XKR6: variants seen among roughly 807,000 people sequenced by gnomAD.
The protein encoded by XKR6 is XK related 6, also known as XK-related protein 6.
Under a neutral mutation model 56.7 loss-of-function variants are expected in XKR6, and 22 were observed. The observed-to-expected ratio is 0.39, with a 90% CI of 0.28 to 0.55. XKR6 has a LOEUF of 0.55. Ranked by LOEUF, XKR6 falls within the 20% of genes least tolerant of loss-of-function variation. The pLI is 0.66. For missense variants in XKR6, 852 were observed against 889.0 expected (o/e 0.96, Z 0.53); for synonymous variants, 524 against 387.8 (o/e 1.35, Z -4.13).
At chr8:10,929,381 T>G (rs1015741240) in intron 1 of XKR6, among the ~76,000 whole-genome samples, 4 of 152,242 alleles carry the variant, frequency 2.6e-5, no homozygotes, top group Non-Finnish European at 4.4e-5. Flanking sequence ...ACTGAAGCAC[T>G]GAGGTTAAAA....
In XKR6 at chr8:11,064,411, A is replaced by G. The variant is rs138067843; in HGVS notation, c.764+136165T>C. On this transcript the variant is annotated intron_variant, in intron 1 of 2. Transcript: ENST00000416569. ...CGTGGTCATGGGCCATCATCTGATC[A>G]CATAGTTCCTAATCCGTTATCGTGC... Among the ~76,000 whole-genome samples, 4 of 152,074 alleles carry G rather than the reference A, an allele frequency of 2.6e-5. No homozygotes were observed. In the East Asian group the frequency reaches 7.7e-4, roughly 29 times the overall value.
chr8:11,198,720 T>A (rs981651849), intron 1 of XKR6, among the ~76,000 whole-genome samples: 4 of 152,170 alleles, frequency 2.6e-5, no homozygotes, highest in Non-Finnish European at 5.9e-5. Flanking sequence ...CAGATTCCAT[T>A]AGAAACAGTT....
At chr8:10,999,303 ATT>A (rs1798186703) in intron 1 of XKR6, among the ~76,000 whole-genome samples, 1 of 152,272 alleles carries the variant, frequency 6.6e-6, no homozygotes, top group South Asian at 2.1e-4. Context: ...CTGCACAGGC[ATT>A]CCAATTCTAT....
At chr8:11,082,528 C>T (rs866937135) in intron 1 of XKR6, among the ~76,000 whole-genome samples, 6 of 152,230 alleles carry the variant, frequency 3.9e-5, no homozygotes, top group Admixed American at 1.3e-4. Flanking sequence ...TTGTCTCTGA[C>T]CGTCTTGTCT....
intron 1 of XKR6, among the ~76,000 whole-genome samples, chr8:11,132,861 G>GAAAAAAAAAAAAAA (rs33917510): frequency 6.9e-6 from 1 of 144,058 alleles, no homozygotes; most frequent in Non-Finnish European, 1.5e-5. Context: ...TATGATGTGT[G>GAAAAAAAAAAAAAA]AAAAAAAAAA....
At chr8:11,103,710 C>A (rs146432473) in intron 1 of XKR6, among the ~76,000 whole-genome samples, 16 of 152,224 alleles carry the variant, frequency 1.1e-4, no homozygotes, top group East Asian at 9.7e-4. Flanking sequence ...AGATAAACTC[C>A]CTGCTTCTGT....
intron 1 of XKR6, among the ~76,000 whole-genome samples, chr8:11,072,991 A>C (rs1485193452): frequency 1.3e-5 from 2 of 151,720 alleles, no homozygotes; most frequent in Non-Finnish European, 2.9e-5. Context: ...CGGAGGGTGC[A>C]GTGAGCCAAG....
At chr8:11,001,706 G>A (rs1798243264) in intron 1 of XKR6, among the ~76,000 whole-genome samples, 1 of 152,206 alleles carries the variant, frequency 6.6e-6, no homozygotes, top group African/African-American at 2.4e-5. Flanking sequence ...GGGGCAGAGA[G>A]AGCCCCATGT....
chr8:10,978,789 C>T (rs10102366), intron 1 of XKR6, among the ~76,000 whole-genome samples: 4 of 152,330 alleles, frequency 2.6e-5, no homozygotes, highest in Non-Finnish European at 4.4e-5. Context: ...CTCCTCCCCC[C>T]GTGCTGACGC....
chr8:11,081,924 G>T (rs760056332), intron 1 of XKR6, among the ~76,000 whole-genome samples: 6 of 152,206 alleles, frequency 3.9e-5, no homozygotes, highest in Non-Finnish European at 7.3e-5. Context: ...ATGCCAACCA[G>T]CCCGACAGGC....
intron 1 of XKR6, among the ~76,000 whole-genome samples, chr8:11,039,198 CA>C (rs1799222455): frequency 1.3e-5 from 2 of 152,204 alleles, no homozygotes; most frequent in African/African-American, 4.8e-5. Flanking sequence ...AAGGGGAGGC[CA>C]CCAGCCAATG....
chr8:11,150,304 T>C (rs998989601), intron 1 of XKR6, among the ~76,000 whole-genome samples: 1 of 150,678 alleles, frequency 6.6e-6, no homozygotes, highest in African/African-American at 2.4e-5. Context: ...ACTAGATCAT[T>C]ATACATTCTA....
At chr8:11,166,279 T>A (rs1041934425) in intron 1 of XKR6, among the ~76,000 whole-genome samples, 2 of 152,194 alleles carry the variant, frequency 1.3e-5, no homozygotes, top group Admixed American at 1.3e-4. Flanking sequence ...CTGCTTTGGG[T>A]CATTTCAGGA....
chr8:11,117,461 A>T (rs1373563443), intron 1 of XKR6, among the ~76,000 whole-genome samples: 1 of 152,164 alleles, frequency 6.6e-6, no homozygotes, highest in Non-Finnish European at 1.5e-5. Context: ...AAGAAAACAG[A>T]ATGTCTGAAT....
At chr8:11,178,947 A>G (rs2117078737) in intron 1 of XKR6, among the ~76,000 whole-genome samples, 1 of 151,110 alleles carries the variant, frequency 6.6e-6, no homozygotes, top group East Asian at 1.9e-4. Context: ...AGCTCAAATA[A>G]TCTTCCCGCC....
rs948591744 is a variant in XKR6, at chr8:10,897,119, G to C, written c.*833C>G. Reference sequence around the variant, plus strand: ...TCACTGGGAAACGAATGTGATTCTTGCTAGGCAAATGCTAAAATGGCACAT... The same window carrying C: ...TCACTGGGAAACGAATGTGATTCTTCCTAGGCAAATGCTAAAATGGCACAT... On this transcript the variant is annotated 3_prime_UTR_variant, in exon 3 of 3. Transcript: ENST00000416569. 1 of 152,548 alleles carries C rather than the reference G, an allele frequency of 6.6e-6. No homozygotes were observed. Among genetic ancestry groups the C allele is most frequent in the Non-Finnish European group, 1.5e-5 (1 of 68,018 alleles). 9.4% of individuals were successfully genotyped at this position (152,548 alleles called of 1,614,324 possible). A position where few individuals can be genotyped will look rare whatever the true frequency, so the allele number is the denominator to read the frequency against.
At chr8:11,045,624 G>A (rs1799394034) in intron 1 of XKR6, among the ~76,000 whole-genome samples, 1 of 152,210 alleles carries the variant, frequency 6.6e-6, no homozygotes, top group African/African-American at 2.4e-5. Context: ...TGTGTGTATA[G>A]TGCTGAGTGT....
intron 1 of XKR6, among the ~76,000 whole-genome samples, chr8:11,083,348 C>T (rs1000834517): frequency 6.6e-6 from 1 of 152,152 alleles, no homozygotes; most frequent in Non-Finnish European, 1.5e-5. Flanking sequence ...GCAATTTTCC[C>T]CAGATTACAA....
intron 1 of XKR6, among the ~76,000 whole-genome samples, chr8:11,171,207 G>A (rs1029573066): frequency 1.3e-5 from 2 of 152,190 alleles, no homozygotes; most frequent in African/African-American, 4.8e-5. Flanking sequence ...TGTATATGAG[G>A]CACTCTGTAA....
Sources: gnomAD v4.1 joint callset for allele counts (sites outside exome capture counted in the v4.1 genomes callset) on GRCh38, gnomAD v4.1.1 for gene constraint, MANE v1.5 for transcripts, NCBI Gene and HGNC (gene_info 2026-07-23, HGNC 2026-07-21) for gene names.